The following PFKFB3 variants were observed in gnomAD, a reference collection of about 807,000 sequenced individuals.
The protein encoded by PFKFB3 is 6-phosphofructo-2-kinase/fructose-2,6-biphosphatase 3.
PFKFB3 carries 33 observed loss-of-function variants against 68.0 expected under a neutral mutation model. The observed-to-expected ratio is 0.49, with a 90% CI of 0.37 to 0.65. The LOEUF (loss-of-function observed/expected upper bound fraction) is 0.65, where lower values mean the gene tolerates loss of function less well. Among genes scored for constraint, PFKFB3 ranks in the 30% least tolerant of loss-of-function variants. The probability of loss-of-function intolerance (pLI) is 0.00; values close to 1 mark genes in which losing one functional copy is unlikely to be tolerated. For synonymous variants in PFKFB3, 315 were observed against 288.2 expected (o/e 1.09, Z -0.94); for missense variants, 586 against 712.2 (o/e 0.82, Z 2.02).
rs1564599645 is a variant in PFKFB3, at chr10:6,177,398, TTCTTTCTTTCTTCTTTCTCTTTC to T, written c.16+32387_16+32409del. On this transcript the variant is annotated intron_variant, in intron 1 of 14. Transcript: ENST00000379789. ...TTTCTTTCTTTCTTTCTTTCTTTCT[TTCTTTCTTTCTTCTTTCTCTTTC>T]TTCCTTTCTTTTCTTTCTCTTTCTT... Among the ~76,000 whole-genome samples the T allele has an allele frequency of 2.7e-5, 4 of 146,368 alleles. No individual in the cohort carries two copies. The East Asian group carries it at 6.3e-4, about 23-fold the overall frequency.
intron 1 of PFKFB3, among the ~76,000 whole-genome samples, chr10:6,196,243 A>G (rs748069410): frequency 9.3e-5 from 14 of 150,504 alleles, no homozygotes; most frequent in Admixed American, 6.6e-4. Context: ...CGATTCTTCC[A>G]CCTCAGCCTC....
intron 1 of PFKFB3, chr10:6,163,797 A>G (rs575462224): frequency 6.6e-6 from 1 of 151,710 alleles, no homozygotes; most frequent in Non-Finnish European, 1.5e-5. Context: ...GCCGTGCGGC[A>G]CGCCGCGTTC....
chr10:6,242,245 CATTT>C (rs1425914766), intron 14 of PFKFB3, among the ~76,000 whole-genome samples: 2 of 152,188 alleles, frequency 1.3e-5, no homozygotes, highest in African/African-American at 4.8e-5. Context: ...CTTATTCAGT[CATTT>C]ATTTATACTA....
At chr10:6,146,266 C>G in intron 1 of PFKFB3, 2 of 1,470,126 alleles carry the variant, frequency 1.4e-6, no homozygotes, top group Non-Finnish European at 9.0e-7. Context: ...GCTACGGTTG[C>G]CTGGAGGCTG....
the PFKFB3 span, among the ~76,000 whole-genome samples, chr10:6,312,353 T>C: frequency 6.6e-6 from 1 of 152,188 alleles, no homozygotes; most frequent in Non-Finnish European, 1.5e-5. Context: ...TCTTTCTACC[T>C]GTCCTCATCT....
At chr10:6,179,728 G>T (rs1842652276) in intron 1 of PFKFB3, among the ~76,000 whole-genome samples, 1 of 152,168 alleles carries the variant, frequency 6.6e-6, no homozygotes, top group Non-Finnish European at 1.5e-5. Flanking sequence ...AGCTCAGATG[G>T]GAAGGGGACC....
chr10:6,272,159 G>C, the PFKFB3 span, among the ~76,000 whole-genome samples: 2 of 152,238 alleles, frequency 1.3e-5, no homozygotes, highest in African/African-American at 4.8e-5. Flanking sequence ...AGCACCCCGA[G>C]TTCACAGACA....
In PFKFB3 at chr10:6,215,675, T is replaced by C. The variant is rs1445499152; in HGVS notation, c.299+358T>C. 6.6e-6 allele frequency among the ~76,000 whole-genome samples: 1 copy of C among 152,198 alleles called. No homozygotes were observed. Among genetic ancestry groups the C allele is most frequent in the Admixed American group, 6.5e-5 (1 of 15,284 alleles). On this transcript the variant is annotated intron_variant, in intron 3 of 14. Transcript: ENST00000379775. This position sits in a 1 kb window ranked among gnomAD's most constrained non-coding sequence, Gnocchi z 4.3. The stretch of plus-strand genomic sequence containing the variant: ...ACCCTCACTGAGAATTAGCAAGTCC[T>C]GTTCATCGGGAGTGTCTGTTTATGT...
rs377405049 is a variant in PFKFB3 at position 6,219,563 on chromosome 10, T to C, written c.499-6T>C. 47 of 1,613,920 alleles carry C rather than the reference T, an allele frequency of 2.9e-5. No individual in the cohort carries two copies. The highest frequency in any genetic ancestry group is 3.7e-5 in the Non-Finnish European group (44 of 1,179,966). ...ATTTATCAGCCACCCCTTTGTGGTG[T>C]TGCAGGAAGTTAAAATCTCCAGCCC... On this transcript the variant is annotated splice_region_variant and splice_polypyrimidine_tract_variant and intron_variant, in intron 6 of 14. Coordinates refer to ENST00000379775, the MANE Select transcript of PFKFB3 (RefSeq NM_004566.4).
At chr10:6,289,617 A>G in the PFKFB3 span, among the ~76,000 whole-genome samples, 18 of 151,544 alleles carry the variant, frequency 1.2e-4, no homozygotes, top group African/African-American at 4.3e-4. Flanking sequence ...GCCTTGTAGT[A>G]TAGTTTGAAG....
At chr10:6,243,634 C>T (rs554243522) in intron 14 of PFKFB3, among the ~76,000 whole-genome samples, 2 of 152,332 alleles carry the variant, frequency 1.3e-5, no homozygotes, top group East Asian at 3.9e-4. Context: ...CAGAGCTCCT[C>T]AAATGGAGTG....
At chr10:6,262,286 C>G in the PFKFB3 span, among the ~76,000 whole-genome samples, 1 of 151,248 alleles carries the variant, frequency 6.6e-6, no homozygotes, top group African/African-American at 2.4e-5. Context: ...AACCCTGTCT[C>G]TACTAAAAAT....
chr10:6,191,597 A>T (rs57019996), intron 1 of PFKFB3, among the ~76,000 whole-genome samples: 6,529 of 152,282 alleles, frequency 0.043, 274 homozygotes, highest in African/African-American at 0.11. Context: ...GAATCACAGG[A>T]TCCTTACGTC....
the PFKFB3 span, among the ~76,000 whole-genome samples, chr10:6,288,516 C>T: frequency 4.6e-5 from 7 of 151,854 alleles, no homozygotes; most frequent in East Asian, 1.9e-4. Flanking sequence ...ATCCATGTCC[C>T]TACAAAGGAC....
At chr10:6,164,181 C>T (rs1414916205) in intron 1 of PFKFB3, among the ~76,000 whole-genome samples, 1 of 152,018 alleles carries the variant, frequency 6.6e-6, no homozygotes, top group Non-Finnish European at 1.5e-5. Flanking sequence ...CCCACCCCAC[C>T]CCGCGCGTGG....
At chr10:6,318,051 G>A in the PFKFB3 span, among the ~76,000 whole-genome samples, 3 of 152,216 alleles carry the variant, frequency 2.0e-5, no homozygotes, top group East Asian at 1.9e-4. Context: ...CCTGAAAAGC[G>A]AAAGTTCCTT....
rs1842529597 is a variant in PFKFB3 at position 6,177,422 on chromosome 10, TTC to T, written c.16+32410_16+32411del. Among the ~76,000 whole-genome samples the T allele has an allele frequency of 1.6e-3, 223 of 136,640 alleles. 1 individual carries two copies. Among genetic ancestry groups the T allele is most frequent in the East Asian group, 6.1e-3 (23 of 3,790 alleles). 89.6% of individuals were successfully genotyped at this position (136,640 alleles called of 152,430 possible). ...TTTCTTTCTTTCTTCTTTCTCTTTC[TTC>T]CTTTCTTTTCTTTCTCTTTCTTTCT... On this transcript the variant is annotated intron_variant, in intron 1 of 14. Transcript: ENST00000379789.
rs754542260 is a variant in PFKFB3 at position 6,226,326 on chromosome 10, C to G, written c.1476C>G (p.Ser492Arg). The part of the protein sequence containing the change: ...HVASTSAALP[S>R]CLPPEVPTQL... ...CCTCCACCTCGGCCGCCCTGCCCAGCTGCCTGCCCCCGGAGGTGCCCACGC... is the reference window on the plus strand; with the variant it reads ...CCTCCACCTCGGCCGCCCTGCCCAGGTGCCTGCCCCCGGAGGTGCCCACGC... Residue 492 changes from serine (S) to arginine (R), a missense_variant, in exon 14 of 15, where the codon AGC becomes AGG. Transcript: ENST00000379775. The G allele has an allele frequency of 5.6e-6, 9 of 1,613,728 alleles. No homozygotes were observed. The highest frequency in any genetic ancestry group is 8.5e-7 in the Non-Finnish European group (1 of 1,179,942).
chr10:6,197,517 C>T (rs1244437282), intron 1 of PFKFB3: 1 of 152,190 alleles, frequency 6.6e-6, no homozygotes, highest in Non-Finnish European at 1.5e-5. Flanking sequence ...CCATCATTAG[C>T]CAACACATGA....
Sources: allele counts gnomAD v4.1 joint callset (sites outside exome capture counted in the v4.1 genomes callset), GRCh38; gene constraint gnomAD v4.1.1; non-coding constraint Gnocchi (gnomAD v3.1); transcripts MANE v1.5; gene names NCBI Gene and HGNC (gene_info 2026-07-23, HGNC 2026-07-21).